The following CNNM2 variants were observed in gnomAD, a reference collection of about 807,000 sequenced individuals.
CNNM2 encodes the protein cyclin and CBS domain divalent metal cation transport mediator 2, also known as metal transporter CNNM2.
In CNNM2, 12 loss-of-function variants were observed where a neutral mutation model predicts 66.9. The observed-to-expected ratio is 0.18, with a 90% confidence interval of 0.11 to 0.29. The LOEUF is 0.29. CNNM2 is among the 10% of genes least tolerant of loss of function. The pLI, the probability that CNNM2 is intolerant of heterozygous loss-of-function variation, is 1.00. For missense variants in CNNM2, 705 were observed against 1,167.7 expected (o/e 0.60, Z 5.77); for synonymous variants, 557 against 501.8 (o/e 1.11, Z -1.47).
intron 1 of CNNM2, among the ~76,000 whole-genome samples, chr10:103,015,133 AAT>A (rs2064418750): frequency 1.3e-5 from 2 of 152,200 alleles, no homozygotes; most frequent in Non-Finnish European, 2.9e-5. Flanking sequence ...AACTTATACA[AAT>A]ATATCACTAC....
At chr10:102,927,458 G>C in intron 1 of CNNM2, 1 of 1,606,120 alleles carries the variant, frequency 6.2e-7, no homozygotes, top group East Asian at 2.2e-5. Context: ...TATACAGAGG[G>C]ATAAAAAGGG....
chr10:102,986,355 G>A (rs1466667889), intron 1 of CNNM2, among the ~76,000 whole-genome samples: 1 of 152,046 alleles, frequency 6.6e-6, no homozygotes, highest in Admixed American at 6.6e-5. Context: ...CCGGGTTCAA[G>A]TGATTCTCCC....
Position 103,049,958 on chromosome 10 carries a change from C to T in CNNM2, c.1765+108C>T. Reference sequence around the variant, plus strand: ...GTTGCTGCCTCTGTTTATAATGACACATGATGTGTGTAGGCCGTGCACAAC... The same window carrying T: ...GTTGCTGCCTCTGTTTATAATGACATATGATGTGTGTAGGCCGTGCACAAC... On this transcript the variant is annotated intron_variant, in intron 2 of 7. Transcript: ENST00000369878. 2.7e-6 allele frequency: 3 copies of T among 1,096,668 alleles called. No individual in the cohort carries two copies. The South Asian group carries it at 4.4e-5, about 16-fold the overall frequency. 67.9% of individuals were successfully genotyped at this position (1,096,668 alleles called of 1,614,324 possible). A position where few individuals can be genotyped will look rare whatever the true frequency, so the allele number is the denominator to read the frequency against.
rs973104399 is a variant in CNNM2, at chr10:102,948,022, C to T, written c.1621+27921C>T. Among the ~76,000 whole-genome samples the T allele has an allele frequency of 2.0e-5, 3 of 152,132 alleles. No homozygotes were observed. In the East Asian group the frequency reaches 5.8e-4, roughly 29 times the overall value. On this transcript the variant is annotated intron_variant, in intron 1 of 7. Coordinates refer to ENST00000369878, the MANE Select transcript of CNNM2 (RefSeq NM_017649.5). ...GAGCCGAGATTGCACCACTACACTC[C>T]AGCCTGGGGATAGAGCGAGACTCCC...
chr10:102,952,789 G>A lies in CNNM2; in HGVS notation c.1621+32688G>A, dbSNP rs17115283. Among the ~76,000 whole-genome samples the A allele has an allele frequency of 0.015, 2,268 of 152,222 alleles. 55 individuals carry two copies. The highest frequency in any genetic ancestry group is 0.051 in the African/African-American group (2,102 of 41,530). Reference sequence around the variant, plus strand: ...GTAGAAGCTCTATAGGATGTGTTACGTAGGTCTCTTAAATATATCAATGCA... The same window carrying A: ...GTAGAAGCTCTATAGGATGTGTTACATAGGTCTCTTAAATATATCAATGCA... On this transcript the variant is annotated intron_variant, in intron 1 of 7. Transcript: ENST00000369878.
chr10:102,950,009 A>G (rs920976347), intron 1 of CNNM2, among the ~76,000 whole-genome samples: 4 of 152,214 alleles, frequency 2.6e-5, no homozygotes, highest in African/African-American at 9.6e-5. Flanking sequence ...CACGACCACT[A>G]TAGAACTTAC....
intron 1 of CNNM2, among the ~76,000 whole-genome samples, chr10:102,987,121 A>G (rs2063810588): frequency 6.6e-6 from 1 of 152,180 alleles, no homozygotes; most frequent in Non-Finnish European, 1.5e-5. Flanking sequence ...GAATGTTCAG[A>G]GGAAGAAAAC....
At chr10:102,935,933 T>A (rs567692698) in intron 1 of CNNM2, among the ~76,000 whole-genome samples, 1 of 151,940 alleles carries the variant, frequency 6.6e-6, no homozygotes, top group African/African-American at 2.4e-5. Context: ...CTATAATCCT[T>A]GAGGTTTTTG....
At chr10:102,955,060 G>A (rs1397534680) in intron 1 of CNNM2, among the ~76,000 whole-genome samples, 5 of 152,252 alleles carry the variant, frequency 3.3e-5, no homozygotes, top group African/African-American at 7.2e-5. Flanking sequence ...AAAAGGGCCC[G>A]TGTTGCCAAG....
intron 4 of CNNM2, among the ~76,000 whole-genome samples, chr10:103,065,708 A>G (rs141783333): frequency 1.3e-5 from 2 of 152,176 alleles, no homozygotes; most frequent in Non-Finnish European, 2.9e-5. Flanking sequence ...GATTTCCTGC[A>G]TGGAGGGTCA....
At chr10:103,048,385 T>G (rs2065163878) in intron 1 of CNNM2, among the ~76,000 whole-genome samples, 1 of 151,936 alleles carries the variant, frequency 6.6e-6, no homozygotes, top group East Asian at 1.9e-4. Flanking sequence ...CCAGCTAGTT[T>G]TTGTATTTTT....
chr10:102,973,070 T>TA, intron 1 of CNNM2, among the ~76,000 whole-genome samples: 1 of 152,322 alleles, frequency 6.6e-6, no homozygotes, highest in South Asian at 2.1e-4. Context: ...TGGTTCATCT[T>TA]AGTCAACTTG....
intron 1 of CNNM2, among the ~76,000 whole-genome samples, chr10:102,996,079 C>T (rs1478816670): frequency 2.0e-5 from 3 of 152,136 alleles, no homozygotes; most frequent in Non-Finnish European, 2.9e-5. Flanking sequence ...TCGTATTATC[C>T]TACTATCCTT....
chr10:102,948,450 T>C (rs1265894499), intron 1 of CNNM2, among the ~76,000 whole-genome samples: 1 of 152,098 alleles, frequency 6.6e-6, no homozygotes, highest in East Asian at 1.9e-4. Context: ...CATTGTACAC[T>C]CAAGGAGCTG....
chr10:103,055,619 T>C (rs1437235259), intron 3 of CNNM2, among the ~76,000 whole-genome samples: 4 of 152,252 alleles, frequency 2.6e-5, no homozygotes, highest in African/African-American at 9.6e-5. Flanking sequence ...TCTTTCTTCT[T>C]TCTTTTTCTG....
intron 1 of CNNM2, among the ~76,000 whole-genome samples, chr10:103,019,901 GAC>G (rs1002766604): frequency 6.6e-6 from 1 of 152,180 alleles, no homozygotes; most frequent in East Asian, 1.9e-4. Flanking sequence ...AAATATGTAA[GAC>G]ACACACACTT....
intron 1 of CNNM2, among the ~76,000 whole-genome samples, chr10:103,029,695 C>T (rs2064784697): frequency 6.6e-6 from 1 of 151,664 alleles, no homozygotes; most frequent in South Asian, 2.1e-4. Context: ...AACCCCGTCT[C>T]TACTAAAAAT....
At chr10:103,068,790 C>T in intron 5 of CNNM2, 68 bp downstream of exon 5, 1 of 1,273,388 alleles carries the variant, frequency 7.9e-7, no homozygotes, top group Admixed American at 2.3e-5. Flanking sequence ...CTCCTTTCAT[C>T]TTGCTTTCTG....
At chr10:102,980,255 C>T (rs1315211844) in intron 1 of CNNM2, among the ~76,000 whole-genome samples, 1 of 151,870 alleles carries the variant, frequency 6.6e-6, no homozygotes, top group Non-Finnish European at 1.5e-5. Context: ...ATCTCTTTCT[C>T]ATACCATTAA....
Sources: allele counts gnomAD v4.1 joint callset (sites outside exome capture counted in the v4.1 genomes callset), GRCh38; gene constraint gnomAD v4.1.1; transcripts MANE v1.5; gene names NCBI Gene and HGNC (gene_info 2026-07-23, HGNC 2026-07-21).